The following TENM2 variants were observed in gnomAD, a reference collection of about 807,000 sequenced individuals.
TENM2 encodes teneurin transmembrane protein 2.
Under a neutral mutation model 245.2 loss-of-function variants are expected in TENM2, and 52 were observed. That is an observed-to-expected ratio of 0.21 (90% CI 0.17 to 0.27). The LOEUF (loss-of-function observed/expected upper bound fraction) is 0.27. Ranked by LOEUF, TENM2 falls within the 10% of genes least tolerant of loss-of-function variation. The pLI, the probability that TENM2 is intolerant of heterozygous loss-of-function variation, is 1.00. For missense variants in TENM2, 3,046 were observed against 3,666.8 expected, an observed-to-expected ratio of 0.83 and a Z score of 4.37; for synonymous variants, 1,363 against 1,438.9, an observed-to-expected ratio of 0.95 and a Z score of 1.19.
intron 2 of TENM2, among the ~76,000 whole-genome samples, chr5:167,742,918 T>C (rs1482356422): frequency 2.0e-5 from 3 of 152,006 alleles, no homozygotes; most frequent in Non-Finnish European, 4.4e-5. Context: ...CAGTGAGCTA[T>C]GATCATGCCA....
the TENM2 span, among the ~76,000 whole-genome samples, chr5:167,055,949 A>T: frequency 6.6e-6 from 1 of 152,070 alleles, no homozygotes; most frequent in South Asian, 2.1e-4. Context: ...TACAATGTTG[A>T]AGAGCAGTGG....
intron 2 of TENM2, among the ~76,000 whole-genome samples, chr5:167,845,899 C>G (rs1364444643): frequency 6.6e-6 from 1 of 152,208 alleles, no homozygotes; most frequent in Non-Finnish European, 1.5e-5. Flanking sequence ...GGAACCTGGA[C>G]AGCTGGCCCG....
In TENM2 at chr5:168,218,028, TC is replaced by T; in HGVS notation, c.4234-96del. The T allele has an allele frequency of 1.5e-6, 2 of 1,340,204 alleles. No homozygotes were observed. The highest frequency in any genetic ancestry group is 2.0e-6 in the Non-Finnish European group (2 of 978,226). 83.0% of individuals were successfully genotyped at this position (1,340,204 alleles called of 1,614,324 possible). A position where few individuals can be genotyped will look rare whatever the true frequency, so the allele number is the denominator to read the frequency against. ...AATACAATGTGTTATTAAAAAGCTG[TC>T]TTTTTTCCTAGATATATAAAACCAG... On this transcript the variant is annotated intron_variant, in intron 22 of 28. Coordinates refer to ENST00000518659, the Ensembl canonical transcript of TENM2. The surrounding 1 kb of genome is among the most constrained non-coding windows in gnomAD (Gnocchi z 5.2).
At chr5:167,629,883 A>AAGG (rs748573452) in intron 2 of TENM2, among the ~76,000 whole-genome samples, 1 of 151,284 alleles carries the variant, frequency 6.6e-6, no homozygotes, top group African/African-American at 2.4e-5. Flanking sequence ...AAAGAAGGAG[A>AAGG]AGGAGGAGGA....
chr5:167,606,209 C>A (rs1455746179), intron 2 of TENM2, among the ~76,000 whole-genome samples: 1 of 152,160 alleles, frequency 6.6e-6, no homozygotes, highest in Admixed American at 6.6e-5. Flanking sequence ...AATCTAAGTG[C>A]ACTTGTCAGC....
chr5:168,201,811 T>C (rs1761962839), intron 17 of TENM2, among the ~76,000 whole-genome samples: 1 of 152,180 alleles, frequency 6.6e-6, no homozygotes, highest in Admixed American at 6.5e-5. Flanking sequence ...ATAATTTATT[T>C]GTTGAAGAAA....
chr5:167,703,769 G>A (rs575139382), intron 2 of TENM2, among the ~76,000 whole-genome samples: 7 of 152,212 alleles, frequency 4.6e-5, no homozygotes, highest in East Asian at 3.9e-4. Flanking sequence ...GAAAAACTAC[G>A]TCAGCAACTT....
chr5:167,273,764 G>A, the TENM2 span, among the ~76,000 whole-genome samples: 1 of 152,128 alleles, frequency 6.6e-6, no homozygotes, highest in East Asian at 1.9e-4. Context: ...ACAATTGAAA[G>A]GGGTGGTAAA....
chr5:167,266,614 T>G, the TENM2 span, among the ~76,000 whole-genome samples: 1 of 152,204 alleles, frequency 6.6e-6, no homozygotes, highest in South Asian at 2.1e-4. Flanking sequence ...AATCTTGTTT[T>G]TAATGCTTTT....
intron 1 of TENM2, among the ~76,000 whole-genome samples, chr5:167,351,876 T>G (rs1469838304): frequency 6.6e-6 from 1 of 152,104 alleles, no homozygotes; most frequent in Non-Finnish European, 1.5e-5. Context: ...AAAACCACAA[T>G]TTCAAACCAC....
chr5:167,611,663 G>C (rs1490085605), intron 2 of TENM2, among the ~76,000 whole-genome samples: 1 of 152,146 alleles, frequency 6.6e-6, no homozygotes, highest in Non-Finnish European at 1.5e-5. Context: ...ATAAACAACA[G>C]ATGTTTGTTT....
chr5:167,609,707 T>C (rs1282401367), intron 2 of TENM2, among the ~76,000 whole-genome samples: 1 of 152,042 alleles, frequency 6.6e-6, no homozygotes, highest in African/African-American at 2.4e-5. Flanking sequence ...CTTTATTCTA[T>C]CTTTTGTAGG....
the TENM2 span, among the ~76,000 whole-genome samples, chr5:167,259,585 T>C: frequency 1.3e-5 from 2 of 152,196 alleles, no homozygotes; most frequent in African/African-American, 2.4e-5. Flanking sequence ...TTTAATTGAA[T>C]GTAAATGTTG....
At chr5:168,174,606 T>TG (rs1311132540) in intron 13 of TENM2, among the ~76,000 whole-genome samples, 1 of 152,188 alleles carries the variant, frequency 6.6e-6, no homozygotes, top group African/African-American at 2.4e-5. Flanking sequence ...ATGATGCTGT[T>TG]GCGTTGAGAA....
At position 167,509,261 on chromosome 5, in the gene TENM2, A is replaced by T. The variant is rs77461422; in HGVS notation, c.502+133788A>T. On this transcript the variant is annotated intron_variant, in intron 2 of 28. Coordinates refer to ENST00000518659, the Ensembl canonical transcript of TENM2. ...TTGACTGTAGACTAATTGTCCTTAC[A>T]TTAAATATATTAAAATTTCTAATTG... 4.7e-4 allele frequency among the ~76,000 whole-genome samples: 72 copies of T among 152,350 alleles called. No individual in the cohort carries two copies. The South Asian group carries it at 0.015, about 31-fold the overall frequency.
chr5:167,528,929 C>T (rs971677318), intron 2 of TENM2, among the ~76,000 whole-genome samples: 5 of 152,060 alleles, frequency 3.3e-5, no homozygotes, highest in African/African-American at 9.7e-5. Flanking sequence ...TATATTCCCA[C>T]GTGATTTTTC....
the TENM2 span, among the ~76,000 whole-genome samples, chr5:167,107,143 C>T: frequency 6.6e-6 from 1 of 150,714 alleles, no homozygotes; most frequent in African/African-American, 2.4e-5. Context: ...TGCCTGTAAT[C>T]CCAGCTAACT....
intron 2 of TENM2, among the ~76,000 whole-genome samples, chr5:167,556,701 G>A (rs1773282647): frequency 6.6e-6 from 1 of 152,104 alleles, no homozygotes; most frequent in Non-Finnish European, 1.5e-5. Flanking sequence ...CCCTTGATAA[G>A]TAGAATTCAG....
At chr5:167,989,687 C>T (rs990284690) in intron 4 of TENM2, among the ~76,000 whole-genome samples, 3 of 151,982 alleles carry the variant, frequency 2.0e-5, no homozygotes, top group South Asian at 4.2e-4. Flanking sequence ...GGCTAAAGGA[C>T]GGGGTTGGTG....
Sources: allele counts gnomAD v4.1 joint callset (sites outside exome capture counted in the v4.1 genomes callset), GRCh38; gene constraint gnomAD v4.1.1; non-coding constraint Gnocchi (gnomAD v3.1); transcripts MANE v1.5; gene names NCBI Gene and HGNC (gene_info 2026-07-23, HGNC 2026-07-21).